The following DNM1 variants were observed in gnomAD, a reference collection of about 807,000 sequenced individuals.
The protein encoded by DNM1 is dynamin 1.
A neutral mutation model predicts 104.6 loss-of-function variants in DNM1; 29 were observed. The ratio of observed to expected loss-of-function variants is 0.28; its 90% CI spans 0.21 to 0.38. The LOEUF is 0.38. DNM1 is among the 10% of genes least tolerant of loss of function. DNM1 has a pLI of 1.00. For synonymous variants in DNM1, 445 were observed against 475.8 expected, an observed-to-expected ratio of 0.94 and a Z score of 0.84; for missense variants, 640 against 1,189.4, an observed-to-expected ratio of 0.54 and a Z score of 6.79.
chr9:128,210,970 CA>C (rs1464556936), intron 1 of DNM1, among the ~76,000 whole-genome samples: 1 of 105,818 alleles, frequency 9.5e-6, no homozygotes, highest in African/African-American at 2.5e-5. Context: ...CTATAAGCAA[CA>C]GAAAAAAAAA....
rs142566419 is a variant in DNM1 at position 128,253,327 on chromosome 9, G to A, written c.2535-1327G>A. On this transcript the variant is annotated intron_variant, in intron 21 of 21. Transcript: ENST00000372923. This position sits in a 1 kb window ranked among gnomAD's most constrained non-coding sequence, Gnocchi z 5.9. ...CTCACCTCCCTTCCCTGCGAGCCTC[G>A]GGACTCAGTGCCACTGCCCAAGGCC... 405 of 613,320 alleles carry A rather than the reference G, an allele frequency of 6.6e-4. 1 individual carries two copies. The highest frequency in any genetic ancestry group is 6.4e-3 in the African/African-American group (346 of 54,324). 38.0% of individuals were successfully genotyped at this position (613,320 alleles called of 1,614,324 possible). A position where few individuals can be genotyped will look rare whatever the true frequency, so the allele number is the denominator to read the frequency against.
chr9:128,232,434 C>T (rs779462842), intron 10 of DNM1: 41 of 174,714 alleles, frequency 2.3e-4, no homozygotes, highest in Non-Finnish European at 4.5e-4. Context: ...CTTGGCACAG[C>T]CACGGGATGA....
Position 128,214,866 on chromosome 9 carries a change from C to G in DNM1, c.162-3365C>G, listed in dbSNP as rs943942081. Among the ~76,000 whole-genome samples, 4 of 152,244 alleles carry G rather than the reference C, an allele frequency of 2.6e-5. No homozygotes were observed. The East Asian group carries it at 7.7e-4, about 29-fold the overall frequency. ...CTTTTCTCTGGGCACCTGTTCTGTCCTCCCTTAGCCTAACCAGGAGCTGGA... is the reference window on the plus strand; with the variant it reads ...CTTTTCTCTGGGCACCTGTTCTGTCGTCCCTTAGCCTAACCAGGAGCTGGA... On this transcript the variant is annotated intron_variant, in intron 1 of 21. Coordinates refer to ENST00000372923, the MANE Select transcript of DNM1 (RefSeq NM_004408.4).
At chr9:128,235,594 G>A (rs555081326) in intron 11 of DNM1, among the ~76,000 whole-genome samples, 8 of 152,028 alleles carry the variant, frequency 5.3e-5, no homozygotes, top group Admixed American at 1.3e-4. Context: ...CCTACCTTTT[G>A]GCCATTGTGA....
chr9:128,220,915 T>TTCTTTCTC lies in DNM1; in HGVS notation c.849+581_849+582insCTCTTTCT, dbSNP rs1834949514. Among the ~76,000 whole-genome samples the TTCTTTCTC allele has an allele frequency of 6.7e-6, 1 of 148,986 alleles. No individual in the cohort carries two copies. Among genetic ancestry groups the TTCTTTCTC allele is most frequent in the African/African-American group, 2.4e-5 (1 of 40,846 alleles). On this transcript the variant is annotated intron_variant, in intron 6 of 21. Coordinates refer to ENST00000372923, the MANE Select transcript of DNM1 (RefSeq NM_004408.4). This position sits in a 1 kb window ranked among gnomAD's most constrained non-coding sequence, Gnocchi z 5.2. ...TTTCTTTCTTTCTTTCTTTCTTTCT[T>TTCTTTCTC]TCTTTCTTTCTTTCTTTCTTTTCTT...
chr9:128,211,935 G>C (rs1047615264), intron 1 of DNM1, among the ~76,000 whole-genome samples: 1 of 152,228 alleles, frequency 6.6e-6, no homozygotes, highest in East Asian at 1.9e-4. Flanking sequence ...AGTCATGACT[G>C]TGTTATTCTT....
At position 128,222,164 on chromosome 9, in the gene DNM1, T is replaced by C. The variant is rs1423242852; in HGVS notation, c.850-33T>C. On this transcript the variant is annotated intron_variant, in intron 6 of 21. Coordinates refer to ENST00000372923, the MANE Select transcript of DNM1 (RefSeq NM_004408.4). The surrounding 1 kb of genome is among the most constrained non-coding windows in gnomAD (Gnocchi z 7.8). ...GTCCCTTCCTGGCCCTGTGACCATC[T>C]GTCCTCAACCCTTTCCTCACCCTTA... is the stretch of plus-strand genomic sequence containing the variant. 2 of 1,587,712 alleles carry C rather than the reference T, an allele frequency of 1.3e-6. No individual in the cohort carries two copies. The highest frequency in any genetic ancestry group is 1.7e-6 in the Non-Finnish European group (2 of 1,166,002).
chr9:128,212,624 G>A (rs1471222975), intron 1 of DNM1, among the ~76,000 whole-genome samples: 1 of 152,260 alleles, frequency 6.6e-6, no homozygotes, highest in African/African-American at 2.4e-5. Context: ...TGATAACCCA[G>A]TGTGCATGTG....
chr9:128,208,128 C>T (rs756263287), intron 1 of DNM1, among the ~76,000 whole-genome samples: 14 of 151,802 alleles, frequency 9.2e-5, no homozygotes, highest in Non-Finnish European at 1.6e-4. Context: ...GGCGCGATCT[C>T]AGCTCACTGC....
At position 128,254,269 on chromosome 9, in the gene DNM1, C is replaced by G; in HGVS notation, c.2535-385C>G. On this transcript the variant is annotated intron_variant, in intron 21 of 21. Transcript: ENST00000372923. The surrounding 1 kb of genome is among the most constrained non-coding windows in gnomAD (Gnocchi z 6.1). ...CTGGTGGCTGTTGCATGGGGCTCCC[C>G]AAGGCAAGGGGTGGCCCCAGGCCAG... is the stretch of plus-strand genomic sequence containing the variant. 7.2e-7 allele frequency: 1 copy of G among 1,383,828 alleles called. No individual in the cohort carries two copies. Among genetic ancestry groups the G allele is most frequent in the Non-Finnish European group, 9.3e-7 (1 of 1,078,858 alleles). 85.7% of individuals were successfully genotyped at this position (1,383,828 alleles called of 1,614,324 possible). A position where few individuals can be genotyped will look rare whatever the true frequency, so the allele number is the denominator to read the frequency against.
Position 128,248,377 on chromosome 9 carries a change from T to C in DNM1, c.1906-206T>C, listed in dbSNP as rs561420681. ...GGAAATTGAGGCAAATTCTAGGCACTAGAGTCAGAACCAAGACAAGGCTGA... is the reference window on the plus strand; with the variant it reads ...GGAAATTGAGGCAAATTCTAGGCACCAGAGTCAGAACCAAGACAAGGCTGA... On this transcript the variant is annotated intron_variant, in intron 18 of 21. Coordinates refer to ENST00000372923, the MANE Select transcript of DNM1 (RefSeq NM_004408.4). This position sits in a 1 kb window ranked among gnomAD's most constrained non-coding sequence, Gnocchi z 5.6. The C allele has an allele frequency of 1.8e-6, 1 of 564,362 alleles. No individual in the cohort carries two copies. The highest frequency in any genetic ancestry group is 2.5e-5 in the South Asian group (1 of 39,400). The allele number at this position is 564,362 out of a possible 1,614,324, so 35.0% of individuals were successfully genotyped here. A position where few individuals can be genotyped will look rare whatever the true frequency, so the allele number is the denominator to read the frequency against.
At chr9:128,244,153 G>T (rs1041636570) in intron 15 of DNM1, among the ~76,000 whole-genome samples, 3 of 151,404 alleles carry the variant, frequency 2.0e-5, no homozygotes, top group African/African-American at 7.3e-5. Flanking sequence ...GGGGGCTCTA[G>T]GAGGGAGGGT....
chr9:128,216,419 G>A (rs955417000), intron 1 of DNM1, among the ~76,000 whole-genome samples: 3 of 152,150 alleles, frequency 2.0e-5, no homozygotes, highest in African/African-American at 7.2e-5. Context: ...GCACAGATTC[G>A]AGGACTTGGA....
At chr9:128,211,577 C>T (rs1834305473) in intron 1 of DNM1, among the ~76,000 whole-genome samples, 1 of 148,958 alleles carries the variant, frequency 6.7e-6, no homozygotes, top group African/African-American at 2.5e-5. Context: ...AACTCCTGGC[C>T]TCAAGCTGGG....
At chr9:128,250,479 A>G (rs890066221) in intron 20 of DNM1, 123 bp downstream of exon 20, 83 of 1,152,570 alleles carry the variant, frequency 7.2e-5, no homozygotes, top group Non-Finnish European at 9.4e-5. Context: ...CGAGGGGCGG[A>G]GCTTAGAGAG....
rs116177116 is a variant in DNM1 at position 128,254,563 on chromosome 9, G to A, written c.2535-91G>A. Reference sequence around the variant, plus strand: ...GGCCCTCCCACCACTGCTGCGGCGCGGCCGGCCCCGGCCGTGTGCTGCGCT... The same window carrying A: ...GGCCCTCCCACCACTGCTGCGGCGCAGCCGGCCCCGGCCGTGTGCTGCGCT... On this transcript the variant is annotated intron_variant, in intron 21 of 21. Coordinates refer to ENST00000372923, the MANE Select transcript of DNM1 (RefSeq NM_004408.4). The surrounding 1 kb of genome is among the most constrained non-coding windows in gnomAD (Gnocchi z 6.1). The A allele has an allele frequency of 2.1e-3, 3,260 of 1,546,722 alleles. 51 individuals carry two copies. The African/African-American group carries it at 0.033, about 16-fold the overall frequency.
intron 10 of DNM1, among the ~76,000 whole-genome samples, chr9:128,231,509 C>G (rs1378905783): frequency 6.6e-6 from 1 of 152,056 alleles, no homozygotes; most frequent in Non-Finnish European, 1.5e-5. Context: ...CCACTTTTGC[C>G]TTTTGATTGG....
rs2131151360 is a variant in DNM1, at chr9:128,218,827, T to C, written c.385+96T>C. 1 of 1,438,200 alleles carries C rather than the reference T, an allele frequency of 7.0e-7. No homozygotes were observed. Among genetic ancestry groups the C allele is most frequent in the Admixed American group, 2.3e-5 (1 of 43,396 alleles). The allele number at this position is 1,438,200 out of a possible 1,614,324, so 89.1% of individuals were successfully genotyped here. A position where few individuals can be genotyped will look rare whatever the true frequency, so the allele number is the denominator to read the frequency against. On this transcript the variant is annotated intron_variant, in intron 3 of 21. Transcript: ENST00000372923. This position sits in a 1 kb window ranked among gnomAD's most constrained non-coding sequence, Gnocchi z 4.8. ...CCTCCTGCAGACTCCGCCCCTAGAA[T>C]GACCCTGCCTCTGCATCATCCTATT...
At chr9:128,242,514 C>A (rs1056737521) in intron 15 of DNM1, among the ~76,000 whole-genome samples, 169 bp downstream of exon 15, 1 of 152,118 alleles carries the variant, frequency 6.6e-6, no homozygotes, top group Non-Finnish European at 1.5e-5. Flanking sequence ...AATCCCAGCA[C>A]TTTGGGAGGC....
Sources: gnomAD v4.1 joint callset for allele counts (sites outside exome capture counted in the v4.1 genomes callset) on GRCh38, gnomAD v4.1.1 for gene constraint, Gnocchi (gnomAD v3.1) non-coding constraint, MANE v1.5 for transcripts, NCBI Gene and HGNC (gene_info 2026-07-23, HGNC 2026-07-21) for gene names.